The following CGNL1 variants were observed in gnomAD, a reference collection of about 807,000 sequenced individuals.
The protein encoded by CGNL1 is cingulin like 1.
CGNL1 carries 132 observed loss-of-function variants against 141.2 expected under a neutral mutation model. The ratio of observed to expected loss-of-function variants is 0.93; its 90% confidence interval spans 0.81 to 1.08. The LOEUF is 1.08. Ranked by LOEUF, CGNL1 falls within the 50% of genes least tolerant of loss-of-function variation. The probability of loss-of-function intolerance (pLI) is 0.00; values close to 1 mark genes in which losing one functional copy is unlikely to be tolerated. For missense variants in CGNL1, 1,870 were observed against 1,588.6 expected (o/e 1.18, Z -3.01); for synonymous variants, 690 against 622.1 (o/e 1.11, Z -1.63).
intron 4 of CGNL1, among the ~76,000 whole-genome samples, chr15:57,448,977 G>GCATT (rs2063289914): frequency 6.6e-6 from 1 of 152,104 alleles, no homozygotes; most frequent in Non-Finnish European, 1.5e-5. Flanking sequence ...GTTGTTCTAG[G>GCATT]CATTATTAGG....
chr15:57,509,527 C>T (rs1271958720), intron 8 of CGNL1, among the ~76,000 whole-genome samples: 1 of 152,206 alleles, frequency 6.6e-6, no homozygotes, highest in Non-Finnish European at 1.5e-5. Flanking sequence ...GAGCGCTCCT[C>T]AGCTTCCTGA....
chr15:57,512,155 G>A (rs906521518), intron 8 of CGNL1, among the ~76,000 whole-genome samples: 4 of 152,192 alleles, frequency 2.6e-5, no homozygotes, highest in Non-Finnish European at 5.9e-5. Context: ...ATAGATCCAA[G>A]CATCAGATCA....
chr15:57,458,540 T>C (rs1286697745), intron 7 of CGNL1, among the ~76,000 whole-genome samples: 1 of 152,024 alleles, frequency 6.6e-6, no homozygotes, highest in Non-Finnish European at 1.5e-5. Flanking sequence ...ACACAAAACA[T>C]AGAGATATGC....
chr15:57,476,121 G>T (rs572986037), intron 8 of CGNL1, among the ~76,000 whole-genome samples: 2 of 152,302 alleles, frequency 1.3e-5, no homozygotes, highest in Non-Finnish European at 2.9e-5. Flanking sequence ...AGACAAGAAA[G>T]CTGACAGCCA....
chr15:57,410,862 T>C (rs1381915339), intron 1 of CGNL1, among the ~76,000 whole-genome samples: 2 of 152,200 alleles, frequency 1.3e-5, no homozygotes, highest in Non-Finnish European at 2.9e-5. Context: ...GAGACTGAAG[T>C]TCGTAACGTT....
chr15:57,519,150 G>A (rs377009277), intron 10 of CGNL1, among the ~76,000 whole-genome samples: 6 of 152,190 alleles, frequency 3.9e-5, no homozygotes, highest in African/African-American at 4.8e-5. Flanking sequence ...CTGTACTGCC[G>A]TTCTGATTGA....
chr15:57,447,192 G>A (rs777514652), intron 4 of CGNL1, among the ~76,000 whole-genome samples: 6 of 152,146 alleles, frequency 3.9e-5, no homozygotes, highest in African/African-American at 9.7e-5. Context: ...TCTCAGCAGC[G>A]TTCCGTCATT....
At chr15:57,475,947 T>A (rs1372176711) in intron 8 of CGNL1, among the ~76,000 whole-genome samples, 1 of 152,190 alleles carries the variant, frequency 6.6e-6, no homozygotes, top group African/African-American at 2.4e-5. Flanking sequence ...TCTTTCTCTT[T>A]GAAATCCCCA....
In CGNL1 at chr15:57,439,204, A is replaced by G. The variant is rs775191751; in HGVS notation, c.1205A>G (p.Glu402Gly). The G allele has an allele frequency of 4.3e-6, 7 of 1,614,170 alleles. No homozygotes were observed. Among genetic ancestry groups the G allele is most frequent in the Non-Finnish European group, 5.9e-6 (7 of 1,180,014 alleles). ...CCTTTTGGCCTCCAAGGGAACTCGG[A>G]GTACCTGATTGAATTCAGTAGGAAC... ...AFPFGLQGNS[E>G]YLIEFSRNLG... Residue 402 changes from glutamate (E) to glycine (G), a missense_variant, in exon 2 of 19, where the codon GAG becomes GGG. Glu to Gly is a moderately conservative substitution (Grantham distance 98). Coordinates refer to ENST00000281282, the MANE Select transcript of CGNL1 (RefSeq NM_032866.5).
intron 1 of CGNL1, among the ~76,000 whole-genome samples, chr15:57,417,830 G>T (rs867377797): frequency 1.3e-5 from 2 of 152,184 alleles, no homozygotes. Context: ...AAATACAGCT[G>T]CTGTGAAGGA....
At chr15:57,386,110 T>C (rs8026675) in intron 1 of CGNL1, among the ~76,000 whole-genome samples, 31,288 of 152,194 alleles carry the variant, frequency 0.21, 3,530 homozygotes, top group East Asian at 0.47. Context: ...TCCTTTTCTC[T>C]CCATTAAACA....
intron 8 of CGNL1, among the ~76,000 whole-genome samples, chr15:57,499,567 C>CA (rs2063993604): frequency 6.6e-6 from 1 of 152,112 alleles, no homozygotes; most frequent in South Asian, 2.1e-4. Context: ...TGTAACTTCT[C>CA]AGAGTCTTTA....
At chr15:57,386,432 G>A (rs1177691094) in intron 1 of CGNL1, among the ~76,000 whole-genome samples, 4 of 152,178 alleles carry the variant, frequency 2.6e-5, no homozygotes, top group African/African-American at 7.2e-5. Flanking sequence ...CACGGGATCC[G>A]TTTCAGTCAA....
rs146541979 is a variant in CGNL1 at position 57,512,681 on chromosome 15, C to T, written c.2404-4099C>T. 2.0e-3 allele frequency among the ~76,000 whole-genome samples: 304 copies of T among 152,256 alleles called. 1 individual carries two copies. The highest frequency in any genetic ancestry group is 7.0e-3 in the African/African-American group (292 of 41,548). The stretch of plus-strand genomic sequence containing the variant: ...TCAGTCCAGGTTCCCTTATCTAACA[C>T]GCTAGGGTGCTAGTTAGGCCCCAAT... On this transcript the variant is annotated intron_variant, in intron 8 of 18. Coordinates refer to ENST00000281282, the MANE Select transcript of CGNL1 (RefSeq NM_032866.5).
At chr15:57,431,556 A>C (rs1490054769) in intron 1 of CGNL1, among the ~76,000 whole-genome samples, 1 of 152,208 alleles carries the variant, frequency 6.6e-6, no homozygotes, top group Admixed American at 6.5e-5. Flanking sequence ...ATCCCCATAC[A>C]AAATTCTGTC....
chr15:57,420,589 G>C (rs2062903577), intron 1 of CGNL1, among the ~76,000 whole-genome samples: 1 of 151,994 alleles, frequency 6.6e-6, no homozygotes, highest in Non-Finnish European at 1.5e-5. Flanking sequence ...TTCCTCTATG[G>C]GAAACAACTT....
chr15:57,507,429 G>A (rs2064118010), intron 8 of CGNL1, among the ~76,000 whole-genome samples: 1 of 152,118 alleles, frequency 6.6e-6, no homozygotes, highest in East Asian at 1.9e-4. Flanking sequence ...TTTTTTTAAA[G>A]GGAAGCATGT....
At chr15:57,537,621 G>T (rs896352058) in intron 14 of CGNL1, among the ~76,000 whole-genome samples, 2 of 152,154 alleles carry the variant, frequency 1.3e-5, no homozygotes, top group African/African-American at 2.4e-5. Context: ...ATAAACACAG[G>T]TGATGGGGTT....
rs1010418314 is a variant in CGNL1 at position 57,515,967 on chromosome 15, G to T, written c.2404-813G>T. 3.3e-5 allele frequency among the ~76,000 whole-genome samples: 5 copies of T among 151,812 alleles called. No individual in the cohort carries two copies. The East Asian group carries it at 9.7e-4, about 29-fold the overall frequency. On this transcript the variant is annotated intron_variant, in intron 8 of 18. Transcript: ENST00000281282. ...AGCTCAGGAGATCGAGACCATCCTG[G>T]CTAACATGGTGAAACCCCGTCTCTA...
Sources: allele counts gnomAD v4.1 joint callset (sites outside exome capture counted in the v4.1 genomes callset), GRCh38; gene constraint gnomAD v4.1.1; transcripts MANE v1.5; gene names NCBI Gene and HGNC (gene_info 2026-07-23, HGNC 2026-07-21).